FAM118A: variants seen among roughly 807,000 people sequenced by gnomAD.
FAM118A encodes the protein SIR2 antiphage like 2, also known as protein FAM118A.
FAM118A carries 25 observed loss-of-function variants against 38.2 expected under a neutral mutation model. The ratio of observed to expected loss-of-function variants is 0.65; its 90% CI spans 0.48 to 0.91. FAM118A has a LOEUF of 0.91. FAM118A is among the 40% of genes least tolerant of loss of function. FAM118A has a pLI of 0.00. For missense variants in FAM118A, 425 were observed against 463.3 expected (o/e 0.92, Z 0.76); for synonymous variants, 178 against 184.1 (o/e 0.97, Z 0.27).
chr22:45,329,145 A>G (rs781621661), intron 4 of FAM118A: 1 of 152,578 alleles, frequency 6.6e-6, no homozygotes, highest in Admixed American at 6.5e-5. Flanking sequence ...CGTGGGGACA[A>G]ATGTCCAGAC....
intron 8 of FAM118A, among the ~76,000 whole-genome samples, chr22:45,337,681 G>A (rs1275051346): frequency 6.6e-6 from 1 of 151,970 alleles, no homozygotes; most frequent in Non-Finnish European, 1.5e-5. Context: ...GGCTCCGCTG[G>A]GGACTGCTAC....
At chr22:45,330,826 GGCGTCCGT>G in intron 5 of FAM118A, 95 bp downstream of exon 5, 1 of 1,356,892 alleles carries the variant, frequency 7.4e-7, no homozygotes, top group South Asian at 1.9e-5. Flanking sequence ...CCAGGCTCCA[GGCGTCCGT>G]GCCCTTCAGG....
chr22:45,332,006 G>A (rs562523531), intron 5 of FAM118A, among the ~76,000 whole-genome samples: 90 of 152,264 alleles, frequency 5.9e-4, no homozygotes, highest in Non-Finnish European at 1.1e-3. Flanking sequence ...GCATAATTCT[G>A]AACTGAAAAC....
chr22:45,340,727 T>C lies in FAM118A; in HGVS notation c.*322T>C, dbSNP rs2086419667. The C allele has an allele frequency of 2.3e-6, 1 of 428,854 alleles. No homozygotes were observed. The highest frequency in any genetic ancestry group is 2.0e-5 in the African/African-American group (1 of 50,418). The allele number at this position is 428,854 out of a possible 1,614,324, so 26.6% of individuals were successfully genotyped here. ...TCTGACAGGCTCTCTTTTGTCAAGGTGGTATTTTTCGTAATAAAAGGGGAA... is the reference window on the plus strand; with the variant it reads ...TCTGACAGGCTCTCTTTTGTCAAGGCGGTATTTTTCGTAATAAAAGGGGAA... On this transcript the variant is annotated 3_prime_UTR_variant, in exon 9 of 9. Transcript: ENST00000441876.
chr22:45,318,100 C>CTAA (rs2084687547), intron 1 of FAM118A, among the ~76,000 whole-genome samples: 1 of 152,124 alleles, frequency 6.6e-6, no homozygotes, highest in Non-Finnish European at 1.5e-5. Flanking sequence ...GTTTGATGAA[C>CTAA]GTTTACGTAG....
At chr22:45,328,547 G>A (rs1322096338) in intron 4 of FAM118A, 3 of 712,032 alleles carry the variant, frequency 4.2e-6, no homozygotes, top group Non-Finnish European at 7.8e-6. Flanking sequence ...TGGGAGGATT[G>A]CTTGAGCCCA....
At chr22:45,331,224 C>A (rs2085692513) in intron 5 of FAM118A, among the ~76,000 whole-genome samples, 1 of 152,042 alleles carries the variant, frequency 6.6e-6, no homozygotes, top group Non-Finnish European at 1.5e-5. Context: ...TTTGGCAGGC[C>A]AAGGCAGGAG....
chr22:45,340,558 C>T lies in FAM118A; in HGVS notation c.*153C>T. 4 of 866,244 alleles carry T rather than the reference C, an allele frequency of 4.6e-6. No homozygotes were observed. The highest frequency in any genetic ancestry group is 5.7e-6 in the Non-Finnish European group (3 of 525,908). 53.7% of individuals were successfully genotyped at this position (866,244 alleles called of 1,614,324 possible). ...CCACATGGGCATGTGGCCCTCAAGG[C>T]TGGGTGAGAGGGCTCCCCTGTGTGT... On this transcript the variant is annotated 3_prime_UTR_variant, in exon 9 of 9. Transcript: ENST00000441876.
In FAM118A at chr22:45,336,786, G is replaced by C. The variant is rs966075151; in HGVS notation, c.1054+375G>C. 2.0e-5 allele frequency among the ~76,000 whole-genome samples: 3 copies of C among 152,178 alleles called. No individual in the cohort carries two copies. In the South Asian group the frequency reaches 6.2e-4, roughly 31 times the overall value. Reference sequence around the variant, plus strand: ...AGTGAACGCTCCCATCTAATCACACGCAGTTGAGGAAGCAGCATTGCCAGG... The same window carrying C: ...AGTGAACGCTCCCATCTAATCACACCCAGTTGAGGAAGCAGCATTGCCAGG... On this transcript the variant is annotated intron_variant, in intron 8 of 8. Coordinates refer to ENST00000441876, the MANE Select transcript of FAM118A (RefSeq NM_017911.4).
chr22:45,334,929 G>A lies in FAM118A; in HGVS notation c.938-421G>A, dbSNP rs183040529. 3.7e-3 allele frequency: 648 copies of A among 174,902 alleles called. 4 individuals are homozygous for A. The highest frequency in any genetic ancestry group is 0.012 in the African/African-American group (492 of 42,222). 10.8% of individuals were successfully genotyped at this position (174,902 alleles called of 1,614,324 possible). A position where few individuals can be genotyped will look rare whatever the true frequency, so the allele number is the denominator to read the frequency against. On this transcript the variant is annotated intron_variant, in intron 6 of 8. Transcript: ENST00000441876. ...CTAGAGTGGGGCTGAGCAGCTTTCT[G>A]TCCCACTGAGCCTCCCTTTCCAGGT... is the stretch of plus-strand genomic sequence containing the variant.
intron 3 of FAM118A, among the ~76,000 whole-genome samples, chr22:45,324,924 G>A (rs2085152158): frequency 1.3e-5 from 2 of 152,236 alleles, no homozygotes; most frequent in Non-Finnish European, 2.9e-5. Flanking sequence ...GCAGGCGCCT[G>A]TAATCCCAGC....
At chr22:45,320,217 C>A (rs946022407) in intron 1 of FAM118A, among the ~76,000 whole-genome samples, 6 of 152,064 alleles carry the variant, frequency 3.9e-5, no homozygotes, top group Non-Finnish European at 7.4e-5. Flanking sequence ...GTAATCCCAG[C>A]ACTTTGGGAG....
intron 4 of FAM118A, chr22:45,329,316 A>G (rs2146680149): frequency 6.6e-6 from 1 of 152,352 alleles, no homozygotes; most frequent in South Asian, 2.1e-4. Flanking sequence ...TTCCAGAAGG[A>G]GCACCAGTTA....
chr22:45,317,101 G>A (rs2084640387), intron 1 of FAM118A, among the ~76,000 whole-genome samples: 2 of 152,142 alleles, frequency 1.3e-5, no homozygotes, highest in South Asian at 4.1e-4. Context: ...AGAAAGTTGG[G>A]CACAGTGGCT....
At chr22:45,323,024 C>A in intron 2 of FAM118A, 151 bp from the exon 3 acceptor site, 1 of 879,354 alleles carries the variant, frequency 1.1e-6, no homozygotes, top group Non-Finnish European at 1.7e-6. Flanking sequence ...GCCGTCTCCC[C>A]ACAGCGTCAG....
chr22:45,327,808 A>C (rs374866502), intron 3 of FAM118A, 34 bp from the exon 4 acceptor site: 4 of 1,607,702 alleles, frequency 2.5e-6, no homozygotes, highest in Non-Finnish European at 3.4e-6. Flanking sequence ...TTAAGAGCTG[A>C]TGTTTTGGTA....
At chr22:45,337,564 A>G (rs1602007714) in intron 8 of FAM118A, among the ~76,000 whole-genome samples, 1 of 152,014 alleles carries the variant, frequency 6.6e-6, no homozygotes, top group African/African-American at 2.4e-5. Flanking sequence ...TCTTAAATGT[A>G]TGCACTCCCT....
intron 8 of FAM118A, chr22:45,337,853 G>T (rs2086215518): frequency 2.0e-6 from 2 of 985,386 alleles, no homozygotes; most frequent in African/African-American, 3.5e-5. Flanking sequence ...CCATCCTCAT[G>T]CTCGCGGGAG....
At chr22:45,328,636 A>G in intron 4 of FAM118A, 1 of 586,432 alleles carries the variant, frequency 1.7e-6, no homozygotes, top group Non-Finnish European at 3.1e-6. Flanking sequence ...TTCTCTTAAA[A>G]AAAAAAAAGT....
Sources: allele counts gnomAD v4.1 joint callset (sites outside exome capture counted in the v4.1 genomes callset), GRCh38; gene constraint gnomAD v4.1.1; transcripts MANE v1.5; gene names NCBI Gene and HGNC (gene_info 2026-07-23, HGNC 2026-07-21).